NTRK3: variants seen among roughly 807,000 people sequenced by gnomAD.
The protein encoded by NTRK3 is neurotrophic receptor tyrosine kinase 3, also known as NT-3 growth factor receptor.
A neutral mutation model predicts 91.7 loss-of-function variants in NTRK3; 24 were observed. That is an observed-to-expected ratio of 0.26 (90% CI 0.19 to 0.37). The LOEUF (loss-of-function observed/expected upper bound fraction) is 0.37, where lower values mean the gene tolerates loss of function less well. Among genes scored for constraint, NTRK3 ranks in the 10% least tolerant of loss-of-function variants. The probability of loss-of-function intolerance (pLI) is 1.00; values close to 1 mark genes in which losing one functional copy is unlikely to be tolerated. For synonymous variants in NTRK3, 483 were observed against 404.0 expected (o/e 1.20, Z -2.34); for missense variants, 880 against 1,068.9 (o/e 0.82, Z 2.46).
chr15:87,964,096 T>C (rs1049981063), intron 14 of NTRK3, among the ~76,000 whole-genome samples: 2 of 152,198 alleles, frequency 1.3e-5, no homozygotes, highest in African/African-American at 4.8e-5. Context: ...CAATAGTATG[T>C]ATGACACAGC....
chr15:88,251,583 G>A (rs1245591333), intron 3 of NTRK3, among the ~76,000 whole-genome samples: 1 of 152,248 alleles, frequency 6.6e-6, no homozygotes, highest in Non-Finnish European at 1.5e-5. Context: ...GGGGACCCAG[G>A]CCACAGTGGA....
exon 19 of NTRK3, chr15:87,870,790 G>C (rs2064809601): frequency 4.5e-6 from 1 of 222,544 alleles, no homozygotes; most frequent in South Asian, 1.8e-4. Flanking sequence ...CTCAGAAGTA[G>C]ATGTTCAACA....
chr15:88,236,802 A>G (rs1291143222), intron 3 of NTRK3, among the ~76,000 whole-genome samples: 6 of 151,482 alleles, frequency 4.0e-5, no homozygotes, highest in Non-Finnish European at 8.8e-5. Context: ...CTACTCTCAA[A>G]AGTAGATAAC....
chr15:88,091,444 C>A (rs746264421), intron 13 of NTRK3, among the ~76,000 whole-genome samples: 1 of 152,238 alleles, frequency 6.6e-6, no homozygotes, highest in Non-Finnish European at 1.5e-5. Context: ...TTCCTCTGCT[C>A]TCCTCTTACC....
Position 88,153,907 on chromosome 15 carries a change from C to T in NTRK3, c.396-6504G>A, listed in dbSNP as rs373640714. On this transcript the variant is annotated intron_variant, in intron 5 of 18. Transcript: ENST00000394480. ...TCTGGAAGGGGAGGACTTCGATATA[C>T]GAATTTTGGGGGCACATAAATATTC... 1.1e-4 allele frequency among the ~76,000 whole-genome samples: 17 copies of T among 152,018 alleles called. No homozygotes were observed. The South Asian group carries it at 1.5e-3, about 13-fold the overall frequency.
chr15:87,956,716 G>A (rs535806117), intron 14 of NTRK3, among the ~76,000 whole-genome samples: 7 of 150,808 alleles, frequency 4.6e-5, no homozygotes, highest in South Asian at 2.1e-4. Flanking sequence ...GACTACAGGC[G>A]CCCACCAACA....
exon 19 of NTRK3, chr15:87,867,219 C>T (rs911713643): frequency 8.9e-6 from 2 of 225,082 alleles, no homozygotes; most frequent in East Asian, 6.4e-5. Flanking sequence ...TGGGAGAACG[C>T]ACTTGTTTTC....
intron 13 of NTRK3, among the ~76,000 whole-genome samples, chr15:88,106,862 G>T (rs533278276): frequency 6.6e-6 from 1 of 152,018 alleles, no homozygotes; most frequent in African/African-American, 2.4e-5. Flanking sequence ...GAACCTGGGA[G>T]GTGGAGGTTG....
At chr15:88,181,887 A>G (rs868387621) in intron 5 of NTRK3, among the ~76,000 whole-genome samples, 1 of 152,186 alleles carries the variant, frequency 6.6e-6, no homozygotes, top group Non-Finnish European at 1.5e-5. Context: ...TGACCCTTGT[A>G]TGAATTACTA....
Position 88,033,178 on chromosome 15 carries a change from A to T in NTRK3, c.1397-133T>A, listed in dbSNP as rs562425145. On this transcript the variant is annotated intron_variant, in intron 13 of 18. Transcript: ENST00000394480. Reference sequence around the variant, plus strand: ...TTTTTTTACTTTTGGGGGGTGTGTTATATATATATATATATATATATATAT... The same window carrying T: ...TTTTTTTACTTTTGGGGGGTGTGTTTTATATATATATATATATATATATAT... 342 of 37,236 alleles carry T rather than the reference A, an allele frequency of 9.2e-3. 2 individuals carry two copies. Among genetic ancestry groups the T allele is most frequent in the East Asian group, 0.047 (37 of 780 alleles). The allele number at this position is 37,236 out of a possible 1,614,324, so 2.3% of individuals were successfully genotyped here. A position where few individuals can be genotyped will look rare whatever the true frequency, so the allele number is the denominator to read the frequency against.
chr15:87,867,299 A>G (rs547800548), exon 19 of NTRK3: 8 of 226,374 alleles, frequency 3.5e-5, no homozygotes, highest in Admixed American at 3.4e-4. Context: ...AGATGAGCCA[A>G]TAGGGCTTTC....
intron 14 of NTRK3, chr15:87,978,507 TTGGTCCCTTG>T (rs2073916857): frequency 4.4e-6 from 1 of 228,660 alleles, no homozygotes; most frequent in African/African-American, 2.2e-5. Context: ...CCTGATTCCC[TTGGTCCCTTG>T]TGGTCCTAGT....
chr15:88,099,307 T>C (rs1231085607), intron 13 of NTRK3: 1 of 215,344 alleles, frequency 4.6e-6, no homozygotes, highest in Non-Finnish European at 9.4e-6. Flanking sequence ...ATGGTCCAGC[T>C]GATGAAAAGA....
intron 13 of NTRK3, among the ~76,000 whole-genome samples, chr15:88,043,393 G>A (rs1596936676): frequency 6.6e-6 from 1 of 152,222 alleles, no homozygotes; most frequent in South Asian, 2.1e-4. Flanking sequence ...ACTATGGCTT[G>A]CTAGTGTTAC....
chr15:88,137,556 A>G, exon 7 of NTRK3: 1 of 1,613,916 alleles, frequency 6.2e-7, no homozygotes, highest in African/African-American at 1.3e-5. Flanking sequence ...GTTCTGCTCC[A>G]ACTGCCTGTC....
chr15:88,027,356 G>A (rs1482460707), intron 14 of NTRK3, among the ~76,000 whole-genome samples: 1 of 152,110 alleles, frequency 6.6e-6, no homozygotes, highest in Non-Finnish European at 1.5e-5. Flanking sequence ...CAAATCAATA[G>A]TATTTTCCTT....
chr15:87,975,104 G>A (rs1046401096), intron 14 of NTRK3, among the ~76,000 whole-genome samples: 7 of 152,128 alleles, frequency 4.6e-5, no homozygotes, highest in African/African-American at 1.4e-4. Flanking sequence ...CTGGTTCTGA[G>A]TAAGTGCTTC....
chr15:87,997,260 A>G (rs1596592124), intron 14 of NTRK3, among the ~76,000 whole-genome samples: 1 of 152,338 alleles, frequency 6.6e-6, no homozygotes, highest in Middle Eastern at 3.4e-3. Flanking sequence ...GGCATGAATT[A>G]CATTCCAATT....
At chr15:87,934,270 C>A (rs3784436) in intron 15 of NTRK3, among the ~76,000 whole-genome samples, 12,140 of 152,152 alleles carry the variant, frequency 0.08, 817 homozygotes, top group African/African-American at 0.18. Flanking sequence ...AAATGGGGCC[C>A]AACATTGAGT....
Sources: allele counts gnomAD v4.1 joint callset (sites outside exome capture counted in the v4.1 genomes callset), GRCh38; gene constraint gnomAD v4.1.1; transcripts MANE v1.5; gene names NCBI Gene and HGNC (gene_info 2026-07-23, HGNC 2026-07-21).